The following PRR12 variants were observed in gnomAD, a reference collection of about 807,000 sequenced individuals.
PRR12 encodes the protein proline rich 12, also known as proline-rich protein 12.
In PRR12, 12 loss-of-function variants were observed where a neutral mutation model predicts 138.0. The observed-to-expected ratio is 0.09, with a 90% CI of 0.06 to 0.14. The LOEUF (loss-of-function observed/expected upper bound fraction) is 0.14. Among genes scored for constraint, PRR12 ranks in the 10% least tolerant of loss-of-function variants. The pLI is 1.00. For missense variants in PRR12, 2,692 were observed against 2,861.3 expected, an observed-to-expected ratio of 0.94 and a Z score of 1.35; for synonymous variants, 1,567 against 1,291.7, an observed-to-expected ratio of 1.21 and a Z score of -4.57.
chr19:49,604,628 A>G (rs1254041111), intron 6 of PRR12, among the ~76,000 whole-genome samples: 1 of 152,062 alleles, frequency 6.6e-6, no homozygotes, highest in African/African-American at 2.4e-5. Flanking sequence ...CAGAGAGCCA[A>G]CATCACGCCA....
At chr19:49,621,800 G>A (rs1471621966) in intron 11 of PRR12, 178 bp downstream of exon 11, 1 of 602,376 alleles carries the variant, frequency 1.7e-6, no homozygotes, top group Non-Finnish European at 3.0e-6. Context: ...CAACAGCCAT[G>A]AAGCCCATGT....
rs753496980 is a variant in PRR12 at position 49,615,959 on chromosome 19, A to C, written c.5237A>C (p.Lys1746Thr). Residue 1746 changes from lysine to threonine, a missense_variant, in exon 9 of 14, where the codon AAG (lysine) becomes ACG (threonine). Physicochemically the swap from Lys to Thr is moderately conservative, Grantham distance 78 (BLOSUM62 -1). Around this residue, in one of 11 missense-constraint regions of PRR12, gnomAD observed 259 missense variants for 265.1 expected, o/e 0.98. Transcript: ENST00000418929. ...GTTGAGAAGGAAAAGGAGAAGGAGA[A>C]GGTGACACGTGGAGAGCGGCCATTG... ...RPVEKEKEKE[K>T]VTRGERPLRG... 1 of 1,553,024 alleles carries C rather than the reference A, an allele frequency of 6.4e-7. No homozygotes were observed. The highest frequency in any genetic ancestry group is 1.4e-5 in the African/African-American group (1 of 72,996).
rs1164891025 is a variant in PRR12 at position 49,597,757 on chromosome 19, A to C, written c.3422A>C (p.Asp1141Ala). The change falls in exon 4 of 14, where the codon GAC becomes GCC. Residue 1141 changes from aspartate (D) to alanine (A), a missense_variant. Asp to Ala is a moderately radical substitution (Grantham distance 126). Around this residue, in one of 11 missense-constraint regions of PRR12, gnomAD observed 326 missense variants for 344.2 expected, o/e 0.95. Transcript: ENST00000418929. The surrounding 1 kb of genome is among the most constrained non-coding windows in gnomAD (Gnocchi z 6.3). ...GCCCTCTCGCCACTGGGGGACATCGACTTCTGCCCACCCAACCCAGGACCC... is the reference window on the plus strand; with the variant it reads ...GCCCTCTCGCCACTGGGGGACATCGCCTTCTGCCCACCCAACCCAGGACCC... ...RPALSPLGDI[D>A]FCPPNPGPDG... 2 of 1,601,878 alleles carry C rather than the reference A, an allele frequency of 1.2e-6. No individual in the cohort carries two copies. The highest frequency in any genetic ancestry group is 1.7e-6 in the Non-Finnish European group (2 of 1,175,524).
At chr19:49,624,169 C>T (rs112293920) in intron 11 of PRR12, among the ~76,000 whole-genome samples, 2 of 51,094 alleles carry the variant, frequency 3.9e-5, no homozygotes, top group African/African-American at 8.0e-5. Context: ...TAGGTGGTTA[C>T]GATGGGGCTG....
At chr19:49,600,004 G>A (rs1173523449) in intron 5 of PRR12, 66 bp downstream of exon 5, 4 of 1,437,822 alleles carry the variant, frequency 2.8e-6, no homozygotes, top group African/African-American at 2.9e-5. Context: ...GGTAACAGTT[G>A]TGCAGGTTAC....
Position 49,596,629 on chromosome 19 carries a change from C to T in PRR12, c.2294C>T (p.Pro765Leu), listed in dbSNP as rs767761367. ...GGGGCCTTCTTGCAAAAGAGCCCTCCGCCCCCACCTCCCACGGCCCAGTCT... is the reference window on the plus strand; with the variant it reads ...GGGGCCTTCTTGCAAAAGAGCCCTCTGCCCCCACCTCCCACGGCCCAGTCT... ...ELGAFLQKSP[P>L]PPPPTAQSTQ... The change falls in exon 4 of 14, where the codon CCG (proline) becomes CTG (leucine). Residue 765 changes from proline to leucine, a missense_variant. By Grantham distance (98) the Pro-to-Leu change is moderately conservative (BLOSUM62 -3). Transcript: ENST00000418929. The surrounding 1 kb of genome is among the most constrained non-coding windows in gnomAD (Gnocchi z 5.6). The T allele has an allele frequency of 2.8e-5, 45 of 1,593,692 alleles. No individual in the cohort carries two copies. Among genetic ancestry groups the T allele is most frequent in the South Asian group, 9.0e-5 (8 of 88,802 alleles).
chr19:49,591,633 C>CCCCCAAA lies in PRR12; in HGVS notation c.-22_-21insCCCCAAA. ...CTCCCTCCCTCCCTCCCCCTCCCCC[C>CCCCCAAA]AATTTCCACCGCGGCCAATTCATGG... On this transcript the variant is annotated 5_prime_UTR_variant, in exon 1 of 14. Coordinates refer to ENST00000418929, the MANE Select transcript of PRR12 (RefSeq NM_020719.3). 7.7e-7 allele frequency: 1 copy of CCCCCAAA among 1,290,908 alleles called. No homozygotes were observed. The highest frequency in any genetic ancestry group is 1.0e-6 in the Non-Finnish European group (1 of 975,750). 80.0% of individuals were successfully genotyped at this position (1,290,908 alleles called of 1,614,324 possible). A position where few individuals can be genotyped will look rare whatever the true frequency, so the allele number is the denominator to read the frequency against.
At chr19:49,602,760 C>T (rs576227086) in intron 6 of PRR12, among the ~76,000 whole-genome samples, 32 of 152,294 alleles carry the variant, frequency 2.1e-4, no homozygotes, top group Non-Finnish European at 4.0e-4. Flanking sequence ...CTGTGTTGGC[C>T]AGGCTGGTCT....
rs1568424674 is a variant in PRR12, at chr19:49,599,632, C to T, written c.4039C>T (p.Leu1347=). The T allele has an allele frequency of 1.2e-6, 2 of 1,606,756 alleles. No homozygotes were observed. The highest frequency in any genetic ancestry group is 1.7e-5 in the Admixed American group (1 of 59,470). ...CGGAGCCTTTGGGCTTGGGGGCGCC[C>T]TGGAGGCTGCAGAGAGTGAGGGTCT... ...PSGAFGLGGA[L]EAAESEGLGL... Residue 1347 remains leucine (L), a synonymous_variant, in exon 5 of 14, where the codon CTG becomes TTG. Transcript: ENST00000418929. This position sits in a 1 kb window ranked among gnomAD's most constrained non-coding sequence, Gnocchi z 5.0.
intron 9 of PRR12, among the ~76,000 whole-genome samples, chr19:49,619,154 C>G (rs1465998858): frequency 6.6e-6 from 1 of 151,264 alleles, no homozygotes; most frequent in Non-Finnish European, 1.5e-5. Flanking sequence ...CAATTAAGTG[C>G]TCTGAGCTAT....
chr19:49,624,610 G>A (rs1278359351), intron 11 of PRR12, among the ~76,000 whole-genome samples: 2 of 151,902 alleles, frequency 1.3e-5, no homozygotes, highest in East Asian at 1.9e-4. Context: ...TTAGGATGGG[G>A]CTGGGAATTC....
At chr19:49,602,120 A>G (rs867153678) in intron 6 of PRR12, among the ~76,000 whole-genome samples, 128 of 152,306 alleles carry the variant, frequency 8.4e-4, no homozygotes, top group African/African-American at 2.6e-3. Context: ...GTGTCTGTAC[A>G]TGCATTACCT....
chr19:49,613,877 GC>G (rs2080878578), intron 6 of PRR12, among the ~76,000 whole-genome samples: 1 of 152,172 alleles, frequency 6.6e-6, no homozygotes, highest in African/African-American at 2.4e-5. Context: ...GGGAGGCCGA[GC>G]CGGGTGGATC....
Position 49,594,283 on chromosome 19 carries a change from C to G in PRR12, c.200-171C>G, listed in dbSNP as rs1367871100. Reference sequence around the variant, plus strand: ...GTCTCACCTTTCCCCCTTCCCTCCCCTCATTCATGTCTCATTAGCTTGGTT... The same window carrying G: ...GTCTCACCTTTCCCCCTTCCCTCCCGTCATTCATGTCTCATTAGCTTGGTT... On this transcript the variant is annotated intron_variant, in intron 2 of 13. Coordinates refer to ENST00000418929, the MANE Select transcript of PRR12 (RefSeq NM_020719.3). The surrounding 1 kb of genome is among the most constrained non-coding windows in gnomAD (Gnocchi z 5.6). Among the ~76,000 whole-genome samples, 1 of 152,080 alleles carries G rather than the reference C, an allele frequency of 6.6e-6. No homozygotes were observed. The highest frequency in any genetic ancestry group is 6.6e-5 in the Admixed American group (1 of 15,254).
intron 11 of PRR12, among the ~76,000 whole-genome samples, chr19:49,622,928 T>TATATAGAGAG (rs1320368074): frequency 1.4e-4 from 11 of 77,766 alleles, no homozygotes; most frequent in African/African-American, 2.4e-4. Context: ...TATATATATA[T>TATATAGAGAG]AGAGAGAGAG....
chr19:49,601,389 T>TA, intron 5 of PRR12, 102 bp from the exon 6 acceptor site: 1 of 689,512 alleles, frequency 1.5e-6, no homozygotes, highest in Non-Finnish European at 2.5e-6. Context: ...GAGTGGTAGT[T>TA]ACAGAGGGGC....
chr19:49,623,663 T>C (rs1163560173), intron 11 of PRR12, among the ~76,000 whole-genome samples: 1 of 148,598 alleles, frequency 6.7e-6, no homozygotes, highest in Admixed American at 6.7e-5. Context: ...CTGGGGTAGA[T>C]GGGATGGTTA....
At chr19:49,615,494 G>A (rs960155296) in intron 8 of PRR12, among the ~76,000 whole-genome samples, 2 of 140,098 alleles carry the variant, frequency 1.4e-5, no homozygotes, top group Non-Finnish European at 3.1e-5. Flanking sequence ...GAGGGAGGGG[G>A]TCAGAGACCC....
At position 49,601,515 on chromosome 19, in the gene PRR12, C is replaced by A. The variant is rs898545734; in HGVS notation, c.4370C>A (p.Pro1457His). The A allele has an allele frequency of 1.3e-6, 2 of 1,522,808 alleles. No homozygotes were observed. Among genetic ancestry groups the A allele is most frequent in the Non-Finnish European group, 1.8e-6 (2 of 1,125,338 alleles). 94.3% of individuals were successfully genotyped at this position (1,522,808 alleles called of 1,614,324 possible). Residue 1457 changes from proline to histidine, a missense_variant, in exon 6 of 14, where the codon CCC (proline) becomes CAC (histidine). Physicochemically the swap from Pro to His is moderately conservative, Grantham distance 77. Transcript: ENST00000418929. ...TPEPPLLEEK[P>H]PPTPPPAPTP... is the part of the protein sequence containing the mutation. ...GAGCCCCCGCTGCTGGAGGAGAAAC[C>A]CCCACCCACTCCACCTCCTGCCCCG...
Sources: gnomAD v4.1 joint callset for allele counts (sites outside exome capture counted in the v4.1 genomes callset) on GRCh38, gnomAD v4.1.1 for gene constraint, gnomAD v4.1.1 regional missense constraint, Gnocchi (gnomAD v3.1) non-coding constraint, MANE v1.5 for transcripts, NCBI Gene and HGNC (gene_info 2026-07-23, HGNC 2026-07-21) for gene names.